Variants in TJAP1 observed in about 807,000 individuals in gnomAD.
TJAP1 encodes tight junction associated protein 1, also known as tight junction-associated protein 1.
TJAP1 carries 27 observed loss-of-function variants against 42.0 expected under a neutral mutation model. That is an observed-to-expected ratio of 0.64 (90% CI 0.47 to 0.89). The LOEUF is 0.89. Ranked by LOEUF, TJAP1 falls within the 40% of genes least tolerant of loss-of-function variation. TJAP1 has a pLI of 0.00. For missense variants in TJAP1, 712 were observed against 726.9 expected (o/e 0.98, Z 0.24); for synonymous variants, 257 against 288.4 (o/e 0.89, Z 1.10).
rs968960911 is a variant in TJAP1, at chr6:43,495,949, G to A, written c.-121-1932G>A. On this transcript the variant is annotated intron_variant, in intron 2 of 10. Transcript: ENST00000372449. The surrounding 1 kb of genome is among the most constrained non-coding windows in gnomAD (Gnocchi z 4.6). ...TTTGTGTCCTCCCTGCCTGCCTGCCGTTCATGCAGGTGTTTCGGTACCAAG... is the reference window on the plus strand; with the variant it reads ...TTTGTGTCCTCCCTGCCTGCCTGCCATTCATGCAGGTGTTTCGGTACCAAG... 2.0e-5 allele frequency among the ~76,000 whole-genome samples: 3 copies of A among 152,124 alleles called. No homozygotes were observed. The highest frequency in any genetic ancestry group is 2.1e-4 in the South Asian group (1 of 4,834).
At chr6:43,484,257 G>A (rs752192906) in intron 2 of TJAP1, among the ~76,000 whole-genome samples, 3 of 151,908 alleles carry the variant, frequency 2.0e-5, no homozygotes, top group African/African-American at 7.3e-5. Flanking sequence ...TCAGGAGTTC[G>A]AGACCAGCCT....
At chr6:43,500,723 A>T in intron 4 of TJAP1, 21 bp from the exon 5 acceptor site, 10 of 1,614,130 alleles carry the variant, frequency 6.2e-6, no homozygotes, top group Non-Finnish European at 8.5e-6. Context: ...GCTGAGCCTC[A>T]AGCCTCTCTT....
Position 43,502,368 on chromosome 6 carries a change from C to T in TJAP1, c.357+19C>T, listed in dbSNP as rs1257264514. ...CACACTGGTAATCTGTCTGGGAGGG[C>T]AGCTTGGTGGGCACTGTGCTCATAG... On this transcript the variant is annotated intron_variant, in intron 7 of 10. Coordinates refer to ENST00000372449, the Ensembl canonical transcript of TJAP1. 1 of 1,612,270 alleles carries T rather than the reference C, an allele frequency of 6.2e-7. No homozygotes were observed. The highest frequency in any genetic ancestry group is 8.5e-7 in the Non-Finnish European group (1 of 1,179,374).
Position 43,502,076 on chromosome 6 carries a change from A to ACACACTCTCTCTCTCTCTCT in TJAP1, c.291-206_291-205insACACTCTCTCTCTCTCTCTC, listed in dbSNP as rs767085594. The stretch of plus-strand genomic sequence containing the variant: ...CACACACACACACACACACACACAC[A>ACACACTCTCTCTCTCTCTCT]CTCTCTCTCTCTCTCTCTCTCTCTC... On this transcript the variant is annotated intron_variant, in intron 6 of 10. Coordinates refer to ENST00000372449, the Ensembl canonical transcript of TJAP1. 5.8e-5 allele frequency among the ~76,000 whole-genome samples: 4 copies of ACACACTCTCTCTCTCTCTCT among 68,956 alleles called. 1 individual carries two copies. Among genetic ancestry groups the ACACACTCTCTCTCTCTCTCT allele is most frequent in the East Asian group, 3.7e-4 (1 of 2,704 alleles). 45.2% of individuals were successfully genotyped at this position (68,956 alleles called of 152,430 possible). A position where few individuals can be genotyped will look rare whatever the true frequency, so the allele number is the denominator to read the frequency against.
exon 9 of TJAP1, chr6:43,503,469 G>A (rs1456126142): frequency 6.2e-7 from 1 of 1,614,136 alleles, no homozygotes; most frequent in Non-Finnish European, 8.5e-7. Context: ...ACAAGCTGCT[G>A]GATGCCAAGA....
At chr6:43,481,358 G>T (rs571366571) in intron 2 of TJAP1, among the ~76,000 whole-genome samples, 1 of 152,076 alleles carries the variant, frequency 6.6e-6, no homozygotes, top group East Asian at 1.9e-4. Flanking sequence ...GTGTGTGTGT[G>T]TTTAATGTAG....
chr6:43,497,014 A>C (rs1417787239), intron 2 of TJAP1: 1 of 152,342 alleles, frequency 6.6e-6, no homozygotes, highest in Admixed American at 6.5e-5. Flanking sequence ...CCACAGTGTC[A>C]GTGCTGAGCC....
exon 11 of TJAP1, chr6:43,504,818 G>A (rs770562512): frequency 1.1e-5 from 18 of 1,614,096 alleles, no homozygotes; most frequent in South Asian, 4.4e-5. Context: ...TCAAGAGGCC[G>A]CCAGCCCAGG....
Position 43,505,951 on chromosome 6 carries a change from T to G in TJAP1, c.*96T>G. The G allele has an allele frequency of 7.6e-7, 1 of 1,320,388 alleles. No homozygotes were observed. The highest frequency in any genetic ancestry group is 9.9e-7 in the Non-Finnish European group (1 of 1,012,634). 81.8% of individuals were successfully genotyped at this position (1,320,388 alleles called of 1,614,324 possible). A position where few individuals can be genotyped will look rare whatever the true frequency, so the allele number is the denominator to read the frequency against. ...GTCCCCAGTCCAAGCCCTTGACCTCTCCTCTATCCAGACCCGCACAGCTGT... is the reference window on the plus strand; with the variant it reads ...GTCCCCAGTCCAAGCCCTTGACCTCGCCTCTATCCAGACCCGCACAGCTGT... On this transcript the variant is annotated 3_prime_UTR_variant, in exon 11 of 11. Transcript: ENST00000372449. The surrounding 1 kb of genome is among the most constrained non-coding windows in gnomAD (Gnocchi z 5.5).
chr6:43,479,735 G>A (rs1784920761), intron 2 of TJAP1, among the ~76,000 whole-genome samples: 1 of 152,222 alleles, frequency 6.6e-6, no homozygotes, highest in South Asian at 2.1e-4. Context: ...ATTTTGGGAG[G>A]CCGAGGCAGG....
chr6:43,500,198 G>A (rs1430999081), intron 4 of TJAP1, among the ~76,000 whole-genome samples: 2 of 152,208 alleles, frequency 1.3e-5, no homozygotes, highest in Non-Finnish European at 2.9e-5. Context: ...GGAAGATGGG[G>A]CAGGAGGTTA....
At chr6:43,478,023 C>G (rs1279333674) in intron 1 of TJAP1, 64 bp from the exon 2 acceptor site, 3 of 152,242 alleles carry the variant, frequency 2.0e-5, no homozygotes, top group Non-Finnish European at 4.4e-5. Flanking sequence ...GAAGAGAGAT[C>G]TGGAGGATGC....
chr6:43,477,791 GC>G (rs1269984929), intron 1 of TJAP1, among the ~76,000 whole-genome samples, 163 bp downstream of exon 1: 1 of 152,008 alleles, frequency 6.6e-6, no homozygotes, highest in Non-Finnish European at 1.5e-5. Flanking sequence ...AGGAGCTGGG[GC>G]GGACCGGGGC....
intron 1 of TJAP1, 104 bp from the exon 2 acceptor site, chr6:43,477,983 G>A (rs1332514060): frequency 6.6e-6 from 1 of 152,342 alleles, no homozygotes; most frequent in Admixed American, 6.5e-5. Context: ...AGAGGGGAAA[G>A]GGATCTTTCT....
rs1301140869 is a variant in TJAP1, at chr6:43,501,919, ACACACACACT to A, written c.290+234_290+243del. ...CACACACACACACACACACACACAC[ACACACACACT>A]CTCTCTCTCTCTCTCTCTCTCTCTC... On this transcript the variant is annotated intron_variant, in intron 6 of 10. Transcript: ENST00000372449. Among the ~76,000 whole-genome samples, 333 of 122,118 alleles carry A rather than the reference ACACACACACT, an allele frequency of 2.7e-3. 5 individuals carry two copies. The highest frequency in any genetic ancestry group is 1.0e-2 in the African/African-American group (292 of 29,278). 80.1% of individuals were successfully genotyped at this position (122,118 alleles called of 152,430 possible). A position where few individuals can be genotyped will look rare whatever the true frequency, so the allele number is the denominator to read the frequency against.
intron 2 of TJAP1, among the ~76,000 whole-genome samples, chr6:43,486,792 C>G (rs1324326838): frequency 6.6e-6 from 1 of 152,132 alleles, no homozygotes; most frequent in Non-Finnish European, 1.5e-5. Context: ...ATCTCTAGTC[C>G]CATCTAGGCG....
intron 2 of TJAP1, among the ~76,000 whole-genome samples, chr6:43,493,325 C>A (rs957591957): frequency 1.3e-5 from 2 of 152,082 alleles, no homozygotes; most frequent in Non-Finnish European, 2.9e-5. Context: ...ATTATCTGAA[C>A]CCAGATAAAC....
chr6:43,505,778 A>G lies in TJAP1; in HGVS notation c.1597A>G (p.Lys533Glu). Residue 533 changes from lysine (K) to glutamate (E), a missense_variant, in exon 11 of 11, where the codon AAG becomes GAG. Coordinates refer to ENST00000372449, the Ensembl canonical transcript of TJAP1. The surrounding 1 kb of genome is among the most constrained non-coding windows in gnomAD (Gnocchi z 5.5). Reference sequence around the variant, plus strand: ...CTCCAGTCGCCCCCAGCGCAGCCCCAAGAGGATGGGGGTTCACCACCTGCA... The same window carrying G: ...CTCCAGTCGCCCCCAGCGCAGCCCCGAGAGGATGGGGGTTCACCACCTGCA... 2 of 1,511,292 alleles carry G rather than the reference A, an allele frequency of 1.3e-6. No homozygotes were observed. Among genetic ancestry groups the G allele is most frequent in the Non-Finnish European group, 1.8e-6 (2 of 1,134,058 alleles). The allele number at this position is 1,511,292 out of a possible 1,614,324, so 93.6% of individuals were successfully genotyped here.
Position 43,505,955 on chromosome 6 carries a change from C to G in TJAP1, c.*100C>G, listed in dbSNP as rs1234360646. ...CCAGTCCAAGCCCTTGACCTCTCCTCTATCCAGACCCGCACAGCTGTTTCC... is the reference window on the plus strand; with the variant it reads ...CCAGTCCAAGCCCTTGACCTCTCCTGTATCCAGACCCGCACAGCTGTTTCC... On this transcript the variant is annotated 3_prime_UTR_variant, in exon 11 of 11. Coordinates refer to ENST00000372449, the Ensembl canonical transcript of TJAP1. This position sits in a 1 kb window ranked among gnomAD's most constrained non-coding sequence, Gnocchi z 5.5. The G allele has an allele frequency of 2.4e-6, 3 of 1,269,016 alleles. No homozygotes were observed. Among genetic ancestry groups the G allele is most frequent in the South Asian group, 4.2e-5 (2 of 47,424 alleles). 78.6% of individuals were successfully genotyped at this position (1,269,016 alleles called of 1,614,324 possible).
Sources: gnomAD v4.1 joint callset for allele counts (sites outside exome capture counted in the v4.1 genomes callset) on GRCh38, gnomAD v4.1.1 for gene constraint, Gnocchi (gnomAD v3.1) non-coding constraint, MANE v1.5 for transcripts, NCBI Gene and HGNC (gene_info 2026-07-23, HGNC 2026-07-21) for gene names.